TRIM55: variants seen among roughly 807,000 people sequenced by gnomAD.
The protein encoded by TRIM55 is tripartite motif containing 55, also known as tripartite motif-containing protein 55.
In TRIM55, 50 loss-of-function variants were observed where a neutral mutation model predicts 60.9. The ratio of observed to expected loss-of-function variants is 0.82; its 90% CI spans 0.65 to 1.04. TRIM55 has a LOEUF of 1.04. TRIM55 is among the 50% of genes least tolerant of loss of function. TRIM55 has a pLI of 0.00. For synonymous variants in TRIM55, 237 were observed against 238.1 expected, an observed-to-expected ratio of 1.00 and a Z score of 0.04; for missense variants, 681 against 666.9, an observed-to-expected ratio of 1.02 and a Z score of -0.23.
upstream of TRIM55, among the ~76,000 whole-genome samples, chr8:66,124,396 C>T (rs558184964): frequency 4.6e-5 from 7 of 152,290 alleles, no homozygotes; most frequent in South Asian, 1.5e-3. Context: ...TGCTTGAGCG[C>T]GTGCCTGCAC....
chr8:66,159,694 G>A (rs1017573431), intron 9 of TRIM55, among the ~76,000 whole-genome samples: 2 of 152,144 alleles, frequency 1.3e-5, no homozygotes, highest in African/African-American at 4.8e-5. Context: ...CGTTCTACCA[G>A]CTCATGGTAT....
the TRIM55 span, among the ~76,000 whole-genome samples, chr8:66,114,044 C>T: frequency 6.9e-6 from 1 of 145,524 alleles, no homozygotes; most frequent in Non-Finnish European, 1.5e-5. Context: ...CGTGGCCATC[C>T]TTAGGTCGCT....
the TRIM55 span, chr8:66,115,126 A>G: frequency 6.5e-6 from 1 of 153,620 alleles, no homozygotes; most frequent in East Asian, 1.9e-4. Context: ...CATAACACAA[A>G]TCTTCCACAC....
intron 4 of TRIM55, 121 bp from the exon 5 acceptor site, chr8:66,149,524 C>A: frequency 1.3e-6 from 1 of 778,392 alleles, no homozygotes; most frequent in Non-Finnish European, 2.1e-6. Flanking sequence ...TAGACATCTT[C>A]AGGGAAAAGA....
upstream of TRIM55, among the ~76,000 whole-genome samples, chr8:66,123,352 C>T (rs112927713): frequency 0.083 from 12,670 of 152,162 alleles, 869 homozygotes; most frequent in African/African-American, 0.18. Context: ...CACCTGTTCT[C>T]GGGACCTCCT....
At chr8:66,148,494 T>C (rs999718855) in intron 4 of TRIM55, among the ~76,000 whole-genome samples, 6 of 152,174 alleles carry the variant, frequency 3.9e-5, no homozygotes, top group Non-Finnish European at 5.9e-5. Flanking sequence ...CAAGGGACAC[T>C]TTATGGAAGA....
At chr8:66,141,831 T>C (rs1809834956) in intron 4 of TRIM55, among the ~76,000 whole-genome samples, 1 of 152,250 alleles carries the variant, frequency 6.6e-6, no homozygotes, top group South Asian at 2.1e-4. Flanking sequence ...ATTCATTGTA[T>C]TTCCAAAACA....
At chr8:66,158,878 A>G (rs765231105) in intron 9 of TRIM55, among the ~76,000 whole-genome samples, 1 of 152,212 alleles carries the variant, frequency 6.6e-6, no homozygotes, top group Non-Finnish European at 1.5e-5. Context: ...TTCAGATTCC[A>G]TGAACTCCAC....
upstream of TRIM55, among the ~76,000 whole-genome samples, chr8:66,126,427 C>T (rs1808821130): frequency 6.6e-6 from 1 of 152,094 alleles, no homozygotes; most frequent in Non-Finnish European, 1.5e-5. Flanking sequence ...AAGAGGAAAG[C>T]AATGTGGAAG....
At chr8:66,141,072 T>C (rs549028243) in intron 4 of TRIM55, among the ~76,000 whole-genome samples, 7 of 152,262 alleles carry the variant, frequency 4.6e-5, no homozygotes, top group African/African-American at 1.7e-4. Context: ...TCATGTAATG[T>C]CACACAGGAC....
chr8:66,132,198 C>T (rs923792840), intron 2 of TRIM55, among the ~76,000 whole-genome samples: 3 of 152,160 alleles, frequency 2.0e-5, no homozygotes, highest in African/African-American at 7.2e-5. Context: ...CGCCTATAAT[C>T]CCAGCACTTT....
chr8:66,155,838 T>C, intron 9 of TRIM55: 1 of 688,696 alleles, frequency 1.5e-6, no homozygotes, highest in Non-Finnish European at 2.4e-6. Flanking sequence ...AAGAACATTG[T>C]TCTCAGATTA....
chr8:66,174,544 C>T lies in TRIM55; in HGVS notation c.1598C>T (p.Pro533Leu). 1 of 1,610,706 alleles carries T rather than the reference C, an allele frequency of 6.2e-7. No homozygotes were observed. Among genetic ancestry groups the T allele is most frequent in the Non-Finnish European group, 8.5e-7 (1 of 1,179,044 alleles). ...AGTGGCAGTGGAGCTGATTCTGAGC[C>T]AGCTCGCCATATCTTCTCCTTTTCC... ...PASGSGADSE[P>L]ARHIFSFSWL... is the part of the protein sequence containing the mutation. The change falls in exon 10 of 10, where the codon CCA (proline) becomes CTA (leucine). Residue 533 changes from proline to leucine, a missense_variant. Coordinates refer to ENST00000315962, the MANE Select transcript of TRIM55 (RefSeq NM_184085.2).
At chr8:66,167,051 A>C (rs565697876) in intron 9 of TRIM55, among the ~76,000 whole-genome samples, 26 of 152,290 alleles carry the variant, frequency 1.7e-4, no homozygotes, top group African/African-American at 6.3e-4. Context: ...CATGCTGTCA[A>C]CCAACCTGCC....
intron 5 of TRIM55, 62 bp from the exon 6 acceptor site, chr8:66,150,155 G>T: frequency 2.7e-5 from 43 of 1,570,396 alleles, no homozygotes; most frequent in Non-Finnish European, 3.7e-5. Context: ...GGAAATAATT[G>T]TCTTACCACT....
intron 7 of TRIM55, among the ~76,000 whole-genome samples, chr8:66,151,584 G>A (rs1439524183): frequency 6.6e-6 from 1 of 152,164 alleles, no homozygotes; most frequent in Non-Finnish European, 1.5e-5. Flanking sequence ...AAAGAGTCAC[G>A]GCATTCCAGC....
intron 9 of TRIM55, among the ~76,000 whole-genome samples, chr8:66,159,335 C>T (rs1810919247): frequency 6.6e-6 from 1 of 152,174 alleles, no homozygotes; most frequent in Non-Finnish European, 1.5e-5. Flanking sequence ...CATAATGCTT[C>T]TGAGATTTGT....
rs762484618 is a variant in TRIM55, at chr8:66,154,134, T to C, written c.1324T>C (p.Tyr442His). 6.2e-7 allele frequency: 1 copy of C among 1,614,144 alleles called. No individual in the cohort carries two copies. The highest frequency in any genetic ancestry group is 2.2e-5 in the East Asian group (1 of 44,880). Residue 442 changes from tyrosine to histidine, a missense_variant, in exon 9 of 10, where the codon TAC becomes CAC. Coordinates refer to ENST00000315962, the MANE Select transcript of TRIM55 (RefSeq NM_184085.2). Reference sequence around the variant, plus strand: ...AGCAGAAACTGCGGATCCCTTGTTTTACCCTAGTTGGTATAAAGGCCAAAC... The same window carrying C: ...AGCAGAAACTGCGGATCCCTTGTTTCACCCTAGTTGGTATAAAGGCCAAAC... ...AAAETADPLFYPSWYKGQTRK... is the reference protein window; with the variant it reads ...AAAETADPLFHPSWYKGQTRK...
chr8:66,115,436 G>A, the TRIM55 span, among the ~76,000 whole-genome samples: 1 of 152,160 alleles, frequency 6.6e-6, no homozygotes, highest in Admixed American at 6.5e-5. Flanking sequence ...TTTCTAGTTT[G>A]GGATTATGGG....
Sources: gnomAD v4.1 joint callset for allele counts (sites outside exome capture counted in the v4.1 genomes callset) on GRCh38, gnomAD v4.1.1 for gene constraint, MANE v1.5 for transcripts, NCBI Gene and HGNC (gene_info 2026-07-23, HGNC 2026-07-21) for gene names.